Variants in TRAFD1 observed in about 807,000 individuals in gnomAD.
TRAFD1 encodes the protein TRAF-type zinc finger domain-containing protein 1.
A neutral mutation model predicts 65.3 loss-of-function variants in TRAFD1; 38 were observed. That is an observed-to-expected ratio of 0.58 (90% CI 0.45 to 0.76). The LOEUF (loss-of-function observed/expected upper bound fraction) is 0.76, where lower values mean the gene tolerates loss of function less well. TRAFD1 is among the 30% of genes least tolerant of loss of function. TRAFD1 has a pLI of 0.00. For missense variants in TRAFD1, 631 were observed against 712.6 expected (o/e 0.89, Z 1.30); for synonymous variants, 223 against 257.2 (o/e 0.87, Z 1.27).
chr12:112,127,823 C>T (rs1869183436), intron 1 of TRAFD1, among the ~76,000 whole-genome samples: 1 of 151,884 alleles, frequency 6.6e-6, no homozygotes, highest in Non-Finnish European at 1.5e-5. Flanking sequence ...ATCCACCTGT[C>T]TCGGCCTCCC....
chr12:112,152,249 T>TA lies in TRAFD1; in HGVS notation c.1619+111dup. ...GGGTAAGACTGAGGTACTTGCATGG[T>TA]AAGGGGAGGAGTATGGATTTTCCCT... On this transcript the variant is annotated intron_variant, in intron 10 of 11. Coordinates refer to ENST00000412615, the MANE Select transcript of TRAFD1 (RefSeq NM_006700.3). This position sits in a 1 kb window ranked among gnomAD's most constrained non-coding sequence, Gnocchi z 5.0. The TA allele has an allele frequency of 7.1e-7, 1 of 1,414,208 alleles. No homozygotes were observed. Among genetic ancestry groups the TA allele is most frequent in the Non-Finnish European group, 9.6e-7 (1 of 1,039,814 alleles). The allele number at this position is 1,414,208 out of a possible 1,614,324, so 87.6% of individuals were successfully genotyped here.
At position 112,140,838 on chromosome 12, in the gene TRAFD1, G is replaced by A. The variant is rs768079263; in HGVS notation, c.257G>A (p.Arg86Gln). Reference protein sequence around the residue: ...KKHEETECPLRLAVCQHCDLE... With the variant: ...KKHEETECPLQLAVCQHCDLE... ...TTGTAGGAGACTGAGTGCCCTTTGC[G>A]GCTTGCTGTCTGCCAGCACTGTGAT... is the stretch of plus-strand genomic sequence containing the variant. Residue 86 changes from arginine (R) to glutamine (Q), a missense_variant, in exon 5 of 12, where the codon CGG (arginine) becomes CAG (glutamine). Coordinates refer to ENST00000412615, the MANE Select transcript of TRAFD1 (RefSeq NM_006700.3). 11 of 1,613,854 alleles carry A rather than the reference G, an allele frequency of 6.8e-6. No individual in the cohort carries two copies. Among genetic ancestry groups the A allele is most frequent in the South Asian group, 2.2e-5 (2 of 91,084 alleles).
In TRAFD1 at chr12:112,152,742, C is replaced by T. The variant is rs114214054; in HGVS notation, c.1700C>T (p.Pro567Leu). 11 of 1,614,198 alleles carry T rather than the reference C, an allele frequency of 6.8e-6. No individual in the cohort carries two copies. The highest frequency in any genetic ancestry group is 8.5e-6 in the Non-Finnish European group (10 of 1,180,044). Residue 567 changes from proline (P) to leucine (L), a missense_variant, in exon 12 of 12, where the codon CCT (proline) becomes CTT (leucine). Physicochemically the swap from Pro to Leu is moderately conservative, Grantham distance 98. Coordinates refer to ENST00000412615, the MANE Select transcript of TRAFD1 (RefSeq NM_006700.3). The surrounding 1 kb of genome is among the most constrained non-coding windows in gnomAD (Gnocchi z 5.0). ...NYRSRTAKAK[P>L]SKQQGAGDAE... ...TGTTGTGTTGTTCACCAGGCAAAGC[C>T]TTCCAAGCAACAGGGAGCTGGGGAT...
intron 2 of TRAFD1, among the ~76,000 whole-genome samples, chr12:112,132,601 T>C (rs917147748): frequency 2.6e-5 from 4 of 152,192 alleles, no homozygotes; most frequent in African/African-American, 9.7e-5. Flanking sequence ...TCTCTCACAG[T>C]TGATTGTTCT....
At chr12:112,144,188 T>A (rs552159046) in intron 6 of TRAFD1, among the ~76,000 whole-genome samples, 2 of 152,178 alleles carry the variant, frequency 1.3e-5, no homozygotes, top group Non-Finnish European at 2.9e-5. Flanking sequence ...TCTAGCATGT[T>A]CCTCTGAGAA....
In TRAFD1 at chr12:112,142,283, A is replaced by C. The variant is rs773048523; in HGVS notation, c.838A>C (p.Ser280Arg). 6.2e-7 allele frequency: 1 copy of C among 1,613,476 alleles called. No homozygotes were observed. The highest frequency in any genetic ancestry group is 8.5e-7 in the Non-Finnish European group (1 of 1,179,436). The stretch of plus-strand genomic sequence containing the variant: ...GTCTCATGGCGGTCCCAGGTCTCTC[A>C]GTGACATAAAGGGTAGGCTTGCTTA... Reference protein sequence around the residue: ...DQSHGGPRSLSDIKGAADEIM... With the variant: ...DQSHGGPRSLRDIKGAADEIM... Residue 280 changes from serine (S) to arginine (R), a missense_variant, in exon 6 of 12, where the codon AGT (serine) becomes CGT (arginine). Coordinates refer to ENST00000412615, the MANE Select transcript of TRAFD1 (RefSeq NM_006700.3).
At chr12:112,143,916 T>C (rs1282515269) in intron 6 of TRAFD1, among the ~76,000 whole-genome samples, 1 of 151,604 alleles carries the variant, frequency 6.6e-6, no homozygotes, top group Non-Finnish European at 1.5e-5. Flanking sequence ...TTAGTAGAGA[T>C]GGTTCCTTAC....
At position 112,130,098 on chromosome 12, in the gene TRAFD1, G is replaced by C. The variant is rs1228728187; in HGVS notation, c.-12-413G>C. On this transcript the variant is annotated intron_variant, in intron 1 of 11. Transcript: ENST00000412615. The surrounding 1 kb of genome is among the most constrained non-coding windows in gnomAD (Gnocchi z 4.4). ...CTGCCTCGGCCTCTCGAGTAGCTGG[G>C]ACTACAGGCACACATCACCATGCCT... 6.6e-6 allele frequency among the ~76,000 whole-genome samples: 1 copy of C among 151,796 alleles called. No individual in the cohort carries two copies. Among genetic ancestry groups the C allele is most frequent in the African/African-American group, 2.4e-5 (1 of 41,308 alleles).
At chr12:112,151,691 C>A in intron 9 of TRAFD1, 110 bp from the exon 10 acceptor site, 3 of 1,104,688 alleles carry the variant, frequency 2.7e-6, no homozygotes, top group Non-Finnish European at 3.8e-6. Flanking sequence ...AGCCACCACG[C>A]CTGGCTGAGC....
Position 112,148,220 on chromosome 12 carries a change from T to G in TRAFD1, c.1074T>G (p.Asn358Lys). Residue 358 changes from asparagine to lysine, a missense_variant, in exon 8 of 12, where the codon AAT (asparagine) becomes AAG (lysine). Coordinates refer to ENST00000412615, the MANE Select transcript of TRAFD1 (RefSeq NM_006700.3). ...NQLDSLMGLSNSHPVEESIII... is the reference protein window; with the variant it reads ...NQLDSLMGLSKSHPVEESIII... ...TAGACTCTTTGATGGGCCTGAGCAA[T>G]TCACACCCTGTGGAGGAGAGCATCA... The G allele has an allele frequency of 6.2e-7, 1 of 1,614,148 alleles. No individual in the cohort carries two copies. The highest frequency in any genetic ancestry group is 8.5e-7 in the Non-Finnish European group (1 of 1,180,022).
At chr12:112,144,357 C>T (rs2030179272) in intron 6 of TRAFD1, among the ~76,000 whole-genome samples, 1 of 151,842 alleles carries the variant, frequency 6.6e-6, no homozygotes, top group Non-Finnish European at 1.5e-5. Flanking sequence ...GCAACCTCCG[C>T]CTCTGGGGTT....
At chr12:112,126,994 G>C (rs888951470) in intron 1 of TRAFD1, among the ~76,000 whole-genome samples, 2 of 152,150 alleles carry the variant, frequency 1.3e-5, no homozygotes, top group African/African-American at 4.8e-5. Context: ...CTAGTTTAAA[G>C]CCCTTCAGTG....
Position 112,137,572 on chromosome 12 carries a change from C to T in TRAFD1, c.237+2506C>T, listed in dbSNP as rs944891240. Among the ~76,000 whole-genome samples the T allele has an allele frequency of 6.6e-6, 1 of 151,848 alleles. No individual in the cohort carries two copies. The highest frequency in any genetic ancestry group is 1.5e-5 in the Non-Finnish European group (1 of 67,960). The stretch of plus-strand genomic sequence containing the variant: ...GGTCAGAAGATTGAGACCATCCTGG[C>T]TAATACGGTGAAACCCCGTCTCTAC... On this transcript the variant is annotated intron_variant, in intron 4 of 11. Coordinates refer to ENST00000412615, the MANE Select transcript of TRAFD1 (RefSeq NM_006700.3). The surrounding 1 kb of genome is among the most constrained non-coding windows in gnomAD (Gnocchi z 4.2).
Position 112,134,848 on chromosome 12 carries a change from C to T in TRAFD1, c.158C>T (p.Thr53Ile). 1 of 1,613,488 alleles carries T rather than the reference C, an allele frequency of 6.2e-7. No homozygotes were observed. Among genetic ancestry groups the T allele is most frequent in the Non-Finnish European group, 8.5e-7 (1 of 1,179,398 alleles). The change falls in exon 3 of 12, where the codon ACT becomes ATT. Residue 53 changes from threonine (T) to isoleucine (I), a missense_variant. Thr to Ile is a moderately conservative substitution (Grantham distance 89). Coordinates refer to ENST00000412615, the MANE Select transcript of TRAFD1 (RefSeq NM_006700.3). ...KEPFPKSDME[T>I]HMAAEHCQVT... ...CCATTTCCCAAATCTGACATGGAGA[C>T]TCACATGGCTGCAGAACACTGTCAG...
chr12:112,130,814 C>G lies in TRAFD1; in HGVS notation c.47+245C>G, dbSNP rs1237284931. On this transcript the variant is annotated intron_variant, in intron 2 of 11. Coordinates refer to ENST00000412615, the MANE Select transcript of TRAFD1 (RefSeq NM_006700.3). The surrounding 1 kb of genome is among the most constrained non-coding windows in gnomAD (Gnocchi z 4.4). Reference sequence around the variant, plus strand: ...TTTTCCTAAGAACTTATCTTGGTATCTTGGTGCTATACAAGTGCTGTTACT... The same window carrying G: ...TTTTCCTAAGAACTTATCTTGGTATGTTGGTGCTATACAAGTGCTGTTACT... Among the ~76,000 whole-genome samples the G allele has an allele frequency of 6.6e-6, 1 of 152,158 alleles. No homozygotes were observed. The highest frequency in any genetic ancestry group is 2.4e-5 in the African/African-American group (1 of 41,440).
intron 1 of TRAFD1, among the ~76,000 whole-genome samples, chr12:112,129,389 A>G (rs1234090207): frequency 6.6e-6 from 1 of 151,550 alleles, no homozygotes; most frequent in Non-Finnish European, 1.5e-5. Flanking sequence ...GTTTGTAGAG[A>G]AGGGTTTCAC....
chr12:112,133,270 A>G (rs542425585), intron 2 of TRAFD1: 1 of 152,342 alleles, frequency 6.6e-6, no homozygotes, highest in East Asian at 1.9e-4. Context: ...CTACCAACCC[A>G]GCCAGAGAGC....
chr12:112,130,677 T>A lies in TRAFD1; in HGVS notation c.47+108T>A. The A allele has an allele frequency of 1.1e-6, 1 of 892,514 alleles. No individual in the cohort carries two copies. The highest frequency in any genetic ancestry group is 1.7e-6 in the Non-Finnish European group (1 of 589,850). The allele number at this position is 892,514 out of a possible 1,614,324, so 55.3% of individuals were successfully genotyped here. A position where few individuals can be genotyped will look rare whatever the true frequency, so the allele number is the denominator to read the frequency against. On this transcript the variant is annotated intron_variant, in intron 2 of 11. Transcript: ENST00000412615. The surrounding 1 kb of genome is among the most constrained non-coding windows in gnomAD (Gnocchi z 4.4). ...AGTGAAGACTGGCACAGTCTTGAGTTAAGCTTTCTATTTTGGTGTTTATAA... is the reference window on the plus strand; with the variant it reads ...AGTGAAGACTGGCACAGTCTTGAGTAAAGCTTTCTATTTTGGTGTTTATAA...
At chr12:112,129,837 T>G (rs1566046766) in intron 1 of TRAFD1, among the ~76,000 whole-genome samples, 1 of 151,426 alleles carries the variant, frequency 6.6e-6, no homozygotes, top group Non-Finnish European at 1.5e-5. Context: ...GAGATGGGGG[T>G]TTCACCATGT....
Sources: gnomAD v4.1 joint callset for allele counts (sites outside exome capture counted in the v4.1 genomes callset) on GRCh38, gnomAD v4.1.1 for gene constraint, Gnocchi (gnomAD v3.1) non-coding constraint, MANE v1.5 for transcripts, NCBI Gene and HGNC (gene_info 2026-07-23, HGNC 2026-07-21) for gene names.